The following SPRY3 variants were observed in gnomAD, a reference collection of about 807,000 sequenced individuals.
SPRY3 encodes sprouty RTK signaling antagonist 3.
Under a neutral mutation model 20.2 loss-of-function variants are expected in SPRY3, and 15 were observed. That is an observed-to-expected ratio of 0.74 (90% CI 0.50 to 1.14). The LOEUF is 1.14. Ranked by LOEUF, SPRY3 falls within the 50% of genes most tolerant of loss-of-function variation. The pLI, the probability that SPRY3 is intolerant of heterozygous loss-of-function variation, is 0.00. For synonymous variants in SPRY3, 143 were observed against 136.5 expected, an observed-to-expected ratio of 1.05 and a Z score of -0.33; for missense variants, 364 against 363.9, an observed-to-expected ratio of 1.00 and a Z score of 0.00.
chrX:155,679,922 G>A (rs1350996389), intron 2 of SPRY3, among the ~76,000 whole-genome samples: 2 of 110,259 alleles, frequency 1.8e-5, no homozygotes, highest in African/African-American at 3.3e-5. Flanking sequence ...TCAAGGCAAT[G>A]GAAACAGTAT....
At chrX:155,633,666 G>A (rs1037060077) in intron 1 of SPRY3, among the ~76,000 whole-genome samples, 1 of 111,469 alleles carries the variant, frequency 9.0e-6, no homozygotes, top group East Asian at 2.8e-4. Flanking sequence ...GTGGGCTTAT[G>A]GAGGTAAGAT....
At chrX:155,639,729 A>G (rs1258720076) in intron 1 of SPRY3, among the ~76,000 whole-genome samples, 2 of 112,319 alleles carry the variant, frequency 1.8e-5, no homozygotes, top group Non-Finnish European at 3.8e-5. Context: ...GTATATACTC[A>G]GAAGTGGGAT....
intron 2 of SPRY3, among the ~76,000 whole-genome samples, chrX:155,716,428 G>C (rs2091022999): frequency 6.6e-6 from 1 of 152,026 alleles, no homozygotes; most frequent in South Asian, 2.1e-4. Context: ...TGAAGTCACT[G>C]TCTGCTAAAT....
intron 2 of SPRY3, among the ~76,000 whole-genome samples, chrX:155,668,371 T>C (rs1483586770): frequency 9.0e-6 from 1 of 110,752 alleles, no homozygotes; most frequent in East Asian, 2.8e-4. Context: ...TAATCTATGA[T>C]AAGAAAAAGT....
intron 1 of SPRY3, among the ~76,000 whole-genome samples, chrX:155,629,998 G>A (rs2067900867): frequency 9.0e-6 from 1 of 111,405 alleles, no homozygotes; most frequent in Non-Finnish European, 1.9e-5. Context: ...TAGTTTCATA[G>A]TTTCATTCTG....
intron 2 of SPRY3, among the ~76,000 whole-genome samples, chrX:155,762,457 G>A (rs987689467): frequency 6.6e-6 from 1 of 152,152 alleles, no homozygotes; most frequent in African/African-American, 2.4e-5. Flanking sequence ...AATAATATTT[G>A]ATGTAGTCTT....
chrX:155,689,766 C>A lies in SPRY3; in HGVS notation c.-282+32741C>A, dbSNP rs180768065. On this transcript the variant is annotated intron_variant, in intron 2 of 3. Transcript: ENST00000675360. ...CTATTTTATTGATTTAAAAAAAAAA[C>A]AACTCCTGGATTCATTTATCTTTTG... is the stretch of plus-strand genomic sequence containing the variant. Among the ~76,000 whole-genome samples, 836 of 83,965 alleles carry A rather than the reference C, an allele frequency of 1.0e-2. 219 individuals carry two copies. Among genetic ancestry groups the A allele is most frequent in the African/African-American group, 0.046 (796 of 17,147 alleles). The allele number at this position is 83,965 out of a possible 115,157, so 72.9% of individuals were successfully genotyped here. A position where few individuals can be genotyped will look rare whatever the true frequency, so the allele number is the denominator to read the frequency against.
At chrX:155,745,286 G>A (rs1341455653) in intron 2 of SPRY3, among the ~76,000 whole-genome samples, 1 of 152,002 alleles carries the variant, frequency 6.6e-6, no homozygotes, top group African/African-American at 2.4e-5. Context: ...ATTCTTAATT[G>A]TTTCTGTCAT....
intron 3 of SPRY3, 57 bp downstream of exon 2, chrX:155,768,193 G>T (rs986061365): frequency 6.6e-6 from 1 of 151,934 alleles, no homozygotes; most frequent in Non-Finnish European, 1.5e-5. Flanking sequence ...GCAATGCACA[G>T]ATTGCCATTC....
chrX:155,767,736 G>GAGAGAGGAGGAGGAGGAC (rs2091347070), intron 2 of SPRY3: 2 of 64,428 alleles, frequency 3.1e-5, no homozygotes, highest in Non-Finnish European at 7.2e-5. Flanking sequence ...AGGAGGAGGA[G>GAGAGAGGAGGAGGAGGAC]AGAGAGGAGG....
chrX:155,747,059 A>G (rs1167907139), intron 2 of SPRY3, among the ~76,000 whole-genome samples: 2 of 151,964 alleles, frequency 1.3e-5, no homozygotes, highest in African/African-American at 4.8e-5. Flanking sequence ...TTCCTGAAGT[A>G]TCGCAGAATT....
At position 155,739,278 on chromosome X, in the gene SPRY3, C is replaced by T. The variant is rs912956030; in HGVS notation, c.-281-28684C>T. Among the ~76,000 whole-genome samples, 9 of 152,076 alleles carry T rather than the reference C, an allele frequency of 5.9e-5. No homozygotes were observed. The East Asian group carries it at 9.6e-4, about 16-fold the overall frequency. ...CTCCCTGTGGGAATTTCAGCAATTC[C>T]GACCAGGGTTATATGGACATAACTC... is the stretch of plus-strand genomic sequence containing the variant. On this transcript the variant is annotated intron_variant, in intron 2 of 3. Coordinates refer to ENST00000675360, the Ensembl canonical transcript of SPRY3.
chrX:155,719,969 G>C (rs1415484800), intron 2 of SPRY3, among the ~76,000 whole-genome samples: 1 of 152,128 alleles, frequency 6.6e-6, no homozygotes, highest in African/African-American at 2.4e-5. Context: ...CAGCCACAAG[G>C]GGGTGAAGCA....
chrX:155,750,657 C>G (rs1416791883), intron 2 of SPRY3, among the ~76,000 whole-genome samples: 1 of 151,718 alleles, frequency 6.6e-6, no homozygotes, highest in East Asian at 1.9e-4. Context: ...GTAATGTCAG[C>G]AAGGGTAGCT....
chrX:155,657,495 A>G (rs1257968405), intron 2 of SPRY3, among the ~76,000 whole-genome samples: 2 of 112,190 alleles, frequency 1.8e-5, no homozygotes, highest in Non-Finnish European at 3.8e-5. Context: ...TCAACCTCAG[A>G]CTGCTGTGCT....
intron 2 of SPRY3, among the ~76,000 whole-genome samples, chrX:155,698,496 C>T (rs28720845): frequency 1.3e-3 from 150 of 111,789 alleles, no homozygotes; most frequent in African/African-American, 4.8e-3. Flanking sequence ...TTATCTAAAG[C>T]TCACATCCTC....
downstream of SPRY3, chrX:155,780,631 C>T (rs1412524462): frequency 6.0e-6 from 1 of 166,738 alleles, no homozygotes; most frequent in Non-Finnish European, 1.5e-5. Context: ...ATCATGTGTC[C>T]TTGGATGGGG....
intron 1 of SPRY3, among the ~76,000 whole-genome samples, chrX:155,630,480 A>G (rs1455731841): frequency 1.8e-5 from 2 of 111,403 alleles, no homozygotes; most frequent in Non-Finnish European, 1.9e-5. Context: ...TTTCTGAAGG[A>G]TAGTTTTGCT....
exon 4 of SPRY3, chrX:155,775,852 G>A (rs1035968913): frequency 7.2e-5 from 12 of 167,096 alleles, no homozygotes; most frequent in African/African-American, 2.9e-4. Flanking sequence ...CATGGCTCAG[G>A]CGTTAATAAT....
Sources: allele counts gnomAD v4.1 joint callset (sites outside exome capture counted in the v4.1 genomes callset), GRCh38; gene constraint gnomAD v4.1.1; transcripts MANE v1.5; gene names NCBI Gene and HGNC (gene_info 2026-07-23, HGNC 2026-07-21).